The following PRKCD variants were observed in gnomAD, a reference collection of about 807,000 sequenced individuals.
PRKCD encodes protein kinase C delta, also known as protein kinase C delta type.
Under a neutral mutation model 82.2 loss-of-function variants are expected in PRKCD, and 20 were observed. That is an observed-to-expected ratio of 0.24 (90% CI 0.17 to 0.35). The LOEUF (loss-of-function observed/expected upper bound fraction) is 0.35, where lower values mean the gene tolerates loss of function less well. Ranked by LOEUF, PRKCD falls within the 10% of genes least tolerant of loss-of-function variation. The probability of loss-of-function intolerance (pLI) is 1.00; values close to 1 mark genes in which losing one functional copy is unlikely to be tolerated. For synonymous variants in PRKCD, 317 were observed against 337.0 expected, an observed-to-expected ratio of 0.94 and a Z score of 0.65; for missense variants, 607 against 899.0, an observed-to-expected ratio of 0.68 and a Z score of 4.15.
At chr3:53,188,224 G>A (rs1042523019) in intron 15 of PRKCD, among the ~76,000 whole-genome samples, 2 of 118,680 alleles carry the variant, frequency 1.7e-5, no homozygotes, top group Non-Finnish European at 3.8e-5. Flanking sequence ...AGGTGGGAGC[G>A]AGCTGCATGC....
intron 2 of PRKCD, among the ~76,000 whole-genome samples, chr3:53,177,825 C>T (rs1703263362): frequency 6.6e-6 from 1 of 152,144 alleles, no homozygotes; most frequent in South Asian, 2.1e-4. Flanking sequence ...TGATGGAGGG[C>T]AGCCATCCCA....
Position 53,189,470 on chromosome 3 carries a change from GAGAC to G in PRKCD, c.1743+229_1743+232del, listed in dbSNP as rs1470995327. Among the ~76,000 whole-genome samples, 8 of 152,336 alleles carry G rather than the reference GAGAC, an allele frequency of 5.3e-5. No individual in the cohort carries two copies. The East Asian group carries it at 1.5e-3, about 29-fold the overall frequency. ...ATGGTGACTAAGGGCCCAGGGTCAG[GAGAC>G]AGACCCGAGGCCAAATGCTGGCTCT... On this transcript the variant is annotated intron_variant, in intron 17 of 18. Transcript: ENST00000330452.
intron 2 of PRKCD, among the ~76,000 whole-genome samples, chr3:53,175,933 G>A (rs750527): frequency 0.86 from 131,149 of 152,192 alleles, 58,456 homozygotes; most frequent in East Asian, 1. Context: ...TCCTGCACAT[G>A]TGCGAGGCCA....
rs1027064727 is a variant in PRKCD, at chr3:53,169,195, C to T, written c.-20+3980C>T. Among the ~76,000 whole-genome samples, 14 of 151,400 alleles carry T rather than the reference C, an allele frequency of 9.2e-5. No homozygotes were observed. Among genetic ancestry groups the T allele is most frequent in the African/African-American group, 3.2e-4 (13 of 41,140 alleles). On this transcript the variant is annotated intron_variant, in intron 2 of 18. Coordinates refer to ENST00000330452, the MANE Select transcript of PRKCD (RefSeq NM_006254.4). This position sits in a 1 kb window ranked among gnomAD's most constrained non-coding sequence, Gnocchi z 4.7. ...TGGATGAGGAGCGCTGGGAGGGGAACGGCGGGGGACTGGTGTGGGCAGGCT... is the reference window on the plus strand; with the variant it reads ...TGGATGAGGAGCGCTGGGAGGGGAATGGCGGGGGACTGGTGTGGGCAGGCT...
At chr3:53,188,477 A>G (rs1409922782) in intron 15 of PRKCD, among the ~76,000 whole-genome samples, 2 of 152,164 alleles carry the variant, frequency 1.3e-5, no homozygotes, top group Non-Finnish European at 1.5e-5. Context: ...CACCTGTTTG[A>G]GCCCCATTTG....
intron 2 of PRKCD, among the ~76,000 whole-genome samples, chr3:53,176,232 C>T (rs1553665873): frequency 6.6e-6 from 1 of 152,212 alleles, no homozygotes; most frequent in African/African-American, 2.4e-5. Flanking sequence ...CCCACTCTCA[C>T]ATCCACTGAG....
intron 2 of PRKCD, among the ~76,000 whole-genome samples, chr3:53,167,527 C>G (rs1274547270): frequency 6.6e-6 from 1 of 152,226 alleles, no homozygotes; most frequent in Admixed American, 6.5e-5. Context: ...GCAAGTGGCT[C>G]TGCCGCTCAG....
chr3:53,165,083 T>A (rs1222927762), intron 1 of PRKCD, 21 bp from the exon 2 acceptor site: 1 of 152,174 alleles, frequency 6.6e-6, no homozygotes, highest in African/African-American at 2.4e-5. Context: ...CCGGCTCAGC[T>A]GTTTCCTCCT....
At position 53,181,448 on chromosome 3, in the gene PRKCD, CA is replaced by C; in HGVS notation, c.384del (p.Lys128AsnfsTer15). The C allele has an allele frequency of 6.2e-7, 1 of 1,614,166 alleles. No homozygotes were observed. ...TCCCTACTCCATGGTCACCAGATTG[CA>C]AACAGTCTATGCGCAGTGAGGACGA... ...VQYFLEDVDC[K>X]QSMRSEDEAK... is the part of the protein sequence containing the mutation. On this transcript the variant is annotated frameshift_variant, in exon 6 of 19. Transcript: ENST00000330452. LOFTEE classifies it high-confidence loss of function.
intron 1 of PRKCD, 88 bp downstream of exon 1, chr3:53,161,516 T>A (rs1553662946): frequency 3.3e-5 from 5 of 151,150 alleles, no homozygotes; most frequent in Non-Finnish European, 7.4e-5. Context: ...CAGTTCCCGT[T>A]TCCGAAACTG....
chr3:53,166,645 A>T (rs1201699223), intron 2 of PRKCD, among the ~76,000 whole-genome samples: 1 of 152,154 alleles, frequency 6.6e-6, no homozygotes, highest in East Asian at 1.9e-4. Flanking sequence ...GCCCACACAT[A>T]CCGCACTGTG....
chr3:53,178,665 G>A lies in PRKCD; in HGVS notation c.115+128G>A, dbSNP rs1217153792. 5 of 744,708 alleles carry A rather than the reference G, an allele frequency of 6.7e-6. 1 individual carries two copies. The Admixed American group carries it at 8.7e-5, about 13-fold the overall frequency. The allele number at this position is 744,708 out of a possible 1,614,324, so 46.1% of individuals were successfully genotyped here. A position where few individuals can be genotyped will look rare whatever the true frequency, so the allele number is the denominator to read the frequency against. On this transcript the variant is annotated intron_variant, in intron 3 of 18. Coordinates refer to ENST00000330452, the MANE Select transcript of PRKCD (RefSeq NM_006254.4). ...TGCTCTTCCTCATCCTTGACTCCCT[G>A]CCCCACTCAGCTATGAAGGCAGAGG... is the stretch of plus-strand genomic sequence containing the variant.
At chr3:53,163,235 T>C (rs1371302419) in intron 1 of PRKCD, among the ~76,000 whole-genome samples, 2 of 151,956 alleles carry the variant, frequency 1.3e-5, no homozygotes, top group African/African-American at 2.4e-5. Flanking sequence ...GGACACAGTC[T>C]ATGAAACTGC....
intron 5 of PRKCD, 54 bp from the exon 6 acceptor site, chr3:53,181,390 G>A: frequency 6.2e-7 from 1 of 1,612,282 alleles, no homozygotes. Flanking sequence ...GGGACTGTAG[G>A]GGTGCCACCC....
intron 1 of PRKCD, among the ~76,000 whole-genome samples, chr3:53,162,266 A>T (rs1189466025): frequency 7.2e-6 from 1 of 139,640 alleles, no homozygotes; most frequent in Non-Finnish European, 1.5e-5. Flanking sequence ...TGAGGGGAGG[A>T]GGTCGGGGGG....
At chr3:53,190,536 T>C (rs767234427) in intron 18 of PRKCD, among the ~76,000 whole-genome samples, 7 of 152,018 alleles carry the variant, frequency 4.6e-5, no homozygotes, top group Non-Finnish European at 1.0e-4. Flanking sequence ...GAGGCCCCGT[T>C]GGAAGAAGTG....
intron 3 of PRKCD, 109 bp from the exon 4 acceptor site, chr3:53,179,468 C>T: frequency 7.0e-7 from 1 of 1,434,748 alleles, no homozygotes; most frequent in Non-Finnish European, 9.8e-7. Flanking sequence ...CACAGCAGGC[C>T]CTCAAGGCAG....
At chr3:53,162,044 GCCT>G (rs1301837949) in intron 1 of PRKCD, among the ~76,000 whole-genome samples, 6 of 151,872 alleles carry the variant, frequency 4.0e-5, no homozygotes, top group Non-Finnish European at 1.5e-5. Context: ...CCCGCGCGGC[GCCT>G]CCTCCTCGCT....
intron 2 of PRKCD, among the ~76,000 whole-genome samples, chr3:53,165,981 A>T (rs1483187): frequency 0.88 from 134,233 of 152,196 alleles, 59,315 homozygotes; most frequent in African/African-American, 0.9. Context: ...TGAACAGGGT[A>T]CTGGTGGTGG....
Sources: allele counts gnomAD v4.1 joint callset (sites outside exome capture counted in the v4.1 genomes callset), GRCh38; gene constraint gnomAD v4.1.1; non-coding constraint Gnocchi (gnomAD v3.1); transcripts MANE v1.5; gene names NCBI Gene and HGNC (gene_info 2026-07-23, HGNC 2026-07-21).